Variants in LMF1 observed in about 807,000 individuals in gnomAD.
The protein encoded by LMF1 is lipase maturation factor 1.
LMF1 carries 68 observed loss-of-function variants against 60.6 expected under a neutral mutation model. The ratio of observed to expected loss-of-function variants is 1.12; its 90% confidence interval spans 0.92 to 1.37. The LOEUF is 1.37. Among genes scored for constraint, LMF1 ranks in the 40% most tolerant of loss-of-function variants. The pLI is 0.00. For synonymous variants in LMF1, 418 were observed against 324.7 expected, an observed-to-expected ratio of 1.29 and a Z score of -3.09; for missense variants, 948 against 767.2, an observed-to-expected ratio of 1.24 and a Z score of -2.78.
intron 3 of LMF1, among the ~76,000 whole-genome samples, chr16:925,897 G>A (rs997393807): frequency 6.6e-6 from 1 of 152,274 alleles, no homozygotes; most frequent in South Asian, 2.1e-4. Context: ...GCATCTGCAT[G>A]TGTGTCTGTG....
At chr16:952,317 C>CA (rs1555473466) in intron 2 of LMF1, among the ~76,000 whole-genome samples, 4 of 132,936 alleles carry the variant, frequency 3.0e-5, no homozygotes, top group South Asian at 4.7e-4. Flanking sequence ...GACCCCCCCC[C>CA]ACAGGTGCCC....
chr16:872,366 A>C (rs2069823713), intron 6 of LMF1: 1 of 152,246 alleles, frequency 6.6e-6, no homozygotes, highest in Non-Finnish European at 1.5e-5. Context: ...GGGCAGCCAC[A>C]TCAGTGTTAT....
rs2071877069 is a variant in LMF1, at chr16:934,259, A to G, written c.504-5T>C. 3.1e-6 allele frequency: 5 copies of G among 1,599,218 alleles called. No homozygotes were observed. The highest frequency in any genetic ancestry group is 1.3e-5 in the African/African-American group (1 of 74,942). On this transcript the variant is annotated splice_region_variant and splice_polypyrimidine_tract_variant and intron_variant, in intron 2 of 10. Transcript: ENST00000262301. ...TCTCACTTACCGAAAGAGTACCTGAAAAACAAAAGAAGAAACGAGTATTAA... is the reference window on the plus strand; with the variant it reads ...TCTCACTTACCGAAAGAGTACCTGAGAAACAAAAGAAGAAACGAGTATTAA...
chr16:910,384 G>A (rs923539674), intron 4 of LMF1, among the ~76,000 whole-genome samples: 1 of 152,182 alleles, frequency 6.6e-6, no homozygotes, highest in East Asian at 1.9e-4. Flanking sequence ...GGACAGTCTG[G>A]TCGTCCTGAG....
At chr16:940,541 C>G (rs554648006) in intron 2 of LMF1, among the ~76,000 whole-genome samples, 1 of 152,342 alleles carries the variant, frequency 6.6e-6, no homozygotes, top group African/African-American at 2.4e-5. Flanking sequence ...GAATGCATAA[C>G]TTTAAAATAT....
chr16:914,360 C>T (rs545443144), intron 3 of LMF1, among the ~76,000 whole-genome samples: 2 of 152,226 alleles, frequency 1.3e-5, no homozygotes, highest in African/African-American at 4.8e-5. Flanking sequence ...CCCGGGGAGG[C>T]TCCCCACACC....
intron 2 of LMF1, among the ~76,000 whole-genome samples, chr16:948,129 G>A (rs1226326392): frequency 2.0e-5 from 3 of 148,666 alleles, no homozygotes; most frequent in Admixed American, 6.7e-5. Flanking sequence ...GTCAGCCAAC[G>A]ACAAAGTCAG....
At chr16:863,147 G>C (rs2069514863) in intron 10 of LMF1, among the ~76,000 whole-genome samples, 1 of 152,150 alleles carries the variant, frequency 6.6e-6, no homozygotes, top group South Asian at 2.1e-4. Flanking sequence ...ATCCTTTTCA[G>C]ATTGCAGGGT....
chr16:911,026 G>A lies in LMF1; in HGVS notation c.568C>T (p.Leu190=). The part of the protein sequence containing the change: ...TGFLGIFLCP[L]WTLSRLPQHT... ...TGGGGCAGCCTTGACAGCGTCCACA[G>A]AGGGCACAGGAAGATCCCCAGGAAC... is the stretch of plus-strand genomic sequence containing the variant. Residue 190 remains leucine, a synonymous_variant, in exon 4 of 11, where the codon CTG becomes TTG. Coordinates refer to ENST00000262301, the MANE Select transcript of LMF1 (RefSeq NM_022773.4). 3.7e-6 allele frequency: 6 copies of A among 1,613,104 alleles called. No homozygotes were observed. Among genetic ancestry groups the A allele is most frequent in the Non-Finnish European group, 5.1e-6 (6 of 1,179,852 alleles).
At position 897,964 on chromosome 16, in the gene LMF1, G is replaced by C. The variant is rs953701083; in HGVS notation, c.664-4892C>G. The stretch of plus-strand genomic sequence containing the variant: ...CAGCTGCACCAGGAGCTGTGTACAT[G>C]GCAGGCATCCTCTGCGTGGTGGGCG... On this transcript the variant is annotated intron_variant, in intron 4 of 10. Coordinates refer to ENST00000262301, the MANE Select transcript of LMF1 (RefSeq NM_022773.4). This position sits in a 1 kb window ranked among gnomAD's most constrained non-coding sequence, Gnocchi z 4.3. Among the ~76,000 whole-genome samples the C allele has an allele frequency of 3.3e-5, 5 of 152,252 alleles. No homozygotes were observed. Among genetic ancestry groups the C allele is most frequent in the African/African-American group, 9.6e-5 (4 of 41,478 alleles).
chr16:853,999 C>T lies in LMF1; in HGVS notation c.*533G>A, dbSNP rs1567125153. The stretch of plus-strand genomic sequence containing the variant: ...GGGATAGGACAGAAAATGGCCCATC[C>T]AACCCCACATCCTGGCCGGGCGTGT... On this transcript the variant is annotated 3_prime_UTR_variant, in exon 11 of 11. Transcript: ENST00000262301. The T allele has an allele frequency of 2.2e-6, 1 of 454,140 alleles. No homozygotes were observed. The highest frequency in any genetic ancestry group is 4.4e-6 in the Non-Finnish European group (1 of 226,830). The allele number at this position is 454,140 out of a possible 1,614,324, so 28.1% of individuals were successfully genotyped here. A position where few individuals can be genotyped will look rare whatever the true frequency, so the allele number is the denominator to read the frequency against.
chr16:905,058 T>C (rs1596962249), intron 4 of LMF1: 4 of 113,414 alleles, frequency 3.5e-5, no homozygotes, highest in Non-Finnish European at 5.2e-5. Context: ...TGGGGACGCC[T>C]GTCTCTGCTG....
At chr16:954,287 G>A (rs774023703) in intron 2 of LMF1, 70 bp downstream of exon 2, 171 of 1,447,856 alleles carry the variant, frequency 1.2e-4, no homozygotes, top group African/African-American at 1.0e-3. Flanking sequence ...CCAAGTGCCA[G>A]GACACCTGCA....
intron 3 of LMF1, among the ~76,000 whole-genome samples, chr16:921,768 G>A (rs916249169): frequency 3.9e-5 from 6 of 152,188 alleles, no homozygotes; most frequent in Admixed American, 2.0e-4. Context: ...GACCCACTAC[G>A]TAACAACGCA....
chr16:888,736 T>TG (rs35181727), intron 5 of LMF1, among the ~76,000 whole-genome samples: 1,681 of 151,998 alleles, frequency 0.011, 25 homozygotes, highest in South Asian at 0.095. Flanking sequence ...CCAGAAGCAC[T>TG]GGGGGGGGTC....
intron 5 of LMF1, among the ~76,000 whole-genome samples, chr16:891,474 G>A (rs1482351310): frequency 6.6e-6 from 1 of 152,248 alleles, no homozygotes; most frequent in Non-Finnish European, 1.5e-5. Flanking sequence ...TCACCAGCAC[G>A]CAGCCTTCGT....
At chr16:867,099 A>C (rs2069629868) in intron 10 of LMF1, among the ~76,000 whole-genome samples, 1 of 151,942 alleles carries the variant, frequency 6.6e-6, no homozygotes, top group South Asian at 2.1e-4. Flanking sequence ...TCATGGTACC[A>C]CCTGCTCCAG....
At position 895,615 on chromosome 16, in the gene LMF1, C is replaced by A. The variant is rs182137393; in HGVS notation, c.664-2543G>T. ...CAACGTGTTTGGAACATGGGGCTCG[C>A]GAGACTGGCGGGGGAGTGGGAGAGC... On this transcript the variant is annotated intron_variant, in intron 4 of 10. Transcript: ENST00000262301. 7.2e-5 allele frequency among the ~76,000 whole-genome samples: 11 copies of A among 152,194 alleles called. No homozygotes were observed. The East Asian group carries it at 2.1e-3, about 30-fold the overall frequency.
At chr16:932,012 C>T (rs545735964) in intron 3 of LMF1, among the ~76,000 whole-genome samples, 53 of 152,372 alleles carry the variant, frequency 3.5e-4, no homozygotes, top group Middle Eastern at 3.4e-3. Context: ...CAGCCCCCGA[C>T]GGCGGCCACA....
Sources: allele counts gnomAD v4.1 joint callset (sites outside exome capture counted in the v4.1 genomes callset), GRCh38; gene constraint gnomAD v4.1.1; non-coding constraint Gnocchi (gnomAD v3.1); transcripts MANE v1.5; gene names NCBI Gene and HGNC (gene_info 2026-07-23, HGNC 2026-07-21).